MAGI2: variants seen among roughly 807,000 people sequenced by gnomAD.
MAGI2 encodes the protein membrane associated guanylate kinase, WW and PDZ domain containing 2.
Under a neutral mutation model 133.3 loss-of-function variants are expected in MAGI2, and 35 were observed. The observed-to-expected ratio is 0.26, with a 90% CI of 0.20 to 0.35. MAGI2 has a LOEUF of 0.35. Ranked by LOEUF, MAGI2 falls within the 10% of genes least tolerant of loss-of-function variation. MAGI2 has a pLI of 1.00. For missense variants in MAGI2, 1,636 were observed against 1,863.4 expected, an observed-to-expected ratio of 0.88 and a Z score of 2.25; for synonymous variants, 729 against 710.6, an observed-to-expected ratio of 1.03 and a Z score of -0.41.
chr7:78,968,047 T>C (rs1177551924), intron 2 of MAGI2, among the ~76,000 whole-genome samples: 1 of 152,058 alleles, frequency 6.6e-6, no homozygotes, highest in African/African-American at 2.4e-5. Context: ...GCCAGGCTGG[T>C]CTTGAACTCC....
chr7:78,662,033 T>C (rs1171274356), intron 2 of MAGI2, among the ~76,000 whole-genome samples: 2 of 151,992 alleles, frequency 1.3e-5, no homozygotes, highest in Non-Finnish European at 2.9e-5. Context: ...CTTACACGGG[T>C]CATCACAGAT....
chr7:78,560,892 T>C (rs959616432), intron 3 of MAGI2, among the ~76,000 whole-genome samples: 12 of 152,174 alleles, frequency 7.9e-5, no homozygotes, highest in South Asian at 2.1e-4. Context: ...AGCTGAGGCA[T>C]AGCTCAGGAT....
In MAGI2 at chr7:78,607,392, C is replaced by T. The variant is rs548399957; in HGVS notation, c.538+19728G>A. Among the ~76,000 whole-genome samples the T allele has an allele frequency of 1.1e-4, 17 of 151,742 alleles. No homozygotes were observed. In the South Asian group the frequency reaches 2.7e-3, roughly 24 times the overall value. ...TGGTCTAGTGGTAGGGTCCAGTTTC[C>T]GCGGCTGGCAGGCCCAGTAGTTGTT... is the stretch of plus-strand genomic sequence containing the variant. On this transcript the variant is annotated intron_variant, in intron 3 of 21. Coordinates refer to ENST00000354212, the MANE Select transcript of MAGI2 (RefSeq NM_012301.4).
At chr7:78,886,380 A>T (rs188411438) in intron 2 of MAGI2, among the ~76,000 whole-genome samples, 2 of 152,366 alleles carry the variant, frequency 1.3e-5, no homozygotes, top group Admixed American at 1.3e-4. Context: ...AGTCTTTATT[A>T]ACTGCATAAT....
chr7:78,835,567 G>A (rs577440008), intron 2 of MAGI2, among the ~76,000 whole-genome samples: 1 of 152,234 alleles, frequency 6.6e-6, no homozygotes, highest in African/African-American at 2.4e-5. Flanking sequence ...GGTTGCTTAG[G>A]GTGCTCCAAA....
chr7:78,879,966 A>C (rs553328469), intron 2 of MAGI2, among the ~76,000 whole-genome samples: 1 of 152,022 alleles, frequency 6.6e-6, no homozygotes, highest in African/African-American at 2.4e-5. Context: ...AAGCAGAAGA[A>C]AGATTTTCAG....
chr7:78,365,578 A>G (rs572603996), intron 7 of MAGI2, among the ~76,000 whole-genome samples: 76 of 152,212 alleles, frequency 5.0e-4, no homozygotes, highest in Non-Finnish European at 8.8e-4. Flanking sequence ...AGAGAGAATT[A>G]TAAATGTGAT....
intron 1 of MAGI2, among the ~76,000 whole-genome samples, chr7:79,284,308 A>G (rs565504367): frequency 1.3e-5 from 2 of 152,152 alleles, no homozygotes; most frequent in East Asian, 3.9e-4. Context: ...CCCATAATAA[A>G]TCCATAGGCC....
intron 9 of MAGI2, among the ~76,000 whole-genome samples, chr7:78,307,171 A>T (rs1206421118): frequency 6.6e-6 from 1 of 152,208 alleles, no homozygotes; most frequent in Non-Finnish European, 1.5e-5. Flanking sequence ...AGACGACTTC[A>T]TGCCCAAAGG....
intron 1 of MAGI2, among the ~76,000 whole-genome samples, chr7:79,295,334 C>T (rs184572688): frequency 6.6e-6 from 1 of 152,106 alleles, no homozygotes; most frequent in Admixed American, 6.5e-5. Flanking sequence ...TTGCAGAATA[C>T]ATTATGGTAC....
In MAGI2 at chr7:79,198,339, G is replaced by T. The variant is rs370693816; in HGVS notation, c.302-191133C>A. On this transcript the variant is annotated intron_variant, in intron 1 of 21. Coordinates refer to ENST00000354212, the MANE Select transcript of MAGI2 (RefSeq NM_012301.4). ...TAGTACAGTGCTGCCATTTGCACAG[G>T]TTCCCTCTCCTGTCCTTTTTGATAG... Among the ~76,000 whole-genome samples, 4 of 151,636 alleles carry T rather than the reference G, an allele frequency of 2.6e-5. No homozygotes were observed. The East Asian group carries it at 5.8e-4, about 22-fold the overall frequency.
At chr7:78,882,231 T>C (rs1563619434) in intron 2 of MAGI2, among the ~76,000 whole-genome samples, 2 of 150,694 alleles carry the variant, frequency 1.3e-5, no homozygotes, top group East Asian at 1.9e-4. Flanking sequence ...AGGACTGTTA[T>C]GAACACCTCT....
intron 6 of MAGI2, among the ~76,000 whole-genome samples, chr7:78,394,204 A>T (rs1231065577): frequency 1.3e-5 from 2 of 152,212 alleles, no homozygotes; most frequent in African/African-American, 4.8e-5. Context: ...TGTTTCAGCA[A>T]CTATCTGGGC....
At chr7:78,173,463 C>T (rs1377277670) in intron 14 of MAGI2, among the ~76,000 whole-genome samples, 2 of 152,146 alleles carry the variant, frequency 1.3e-5, no homozygotes, top group African/African-American at 4.8e-5. Flanking sequence ...GGGGTGCTGG[C>T]TTCCCCCCAA....
intron 9 of MAGI2, among the ~76,000 whole-genome samples, chr7:78,314,506 A>T (rs1263631772): frequency 6.6e-6 from 1 of 152,178 alleles, no homozygotes; most frequent in Non-Finnish European, 1.5e-5. Flanking sequence ...CTTCACTTAT[A>T]ATACAAACTG....
intron 1 of MAGI2, among the ~76,000 whole-genome samples, chr7:79,164,001 G>A (rs1824679004): frequency 6.6e-6 from 1 of 151,852 alleles, no homozygotes; most frequent in Non-Finnish European, 1.5e-5. Context: ...TCAGGTCAGG[G>A]CATGTCCTCC....
intron 1 of MAGI2, among the ~76,000 whole-genome samples, chr7:79,156,305 G>A (rs979271037): frequency 6.6e-6 from 1 of 152,004 alleles, no homozygotes; most frequent in Non-Finnish European, 1.5e-5. Flanking sequence ...TCTTTTGTGG[G>A]GGAAAATTTG....
chr7:78,873,035 T>C (rs1795158067), intron 2 of MAGI2, among the ~76,000 whole-genome samples: 1 of 151,834 alleles, frequency 6.6e-6, no homozygotes, highest in African/African-American at 2.4e-5. Context: ...ATTGAAAAAA[T>C]AGAGAAATTT....
At chr7:78,605,127 G>A (rs76122431) in intron 3 of MAGI2, among the ~76,000 whole-genome samples, 8,594 of 152,314 alleles carry the variant, frequency 0.056, 562 homozygotes, top group East Asian at 0.35. Flanking sequence ...GTGAAAACTG[G>A]AGTGGAGGGA....
Sources: gnomAD v4.1 joint callset for allele counts (sites outside exome capture counted in the v4.1 genomes callset) on GRCh38, gnomAD v4.1.1 for gene constraint, MANE v1.5 for transcripts, NCBI Gene and HGNC (gene_info 2026-07-23, HGNC 2026-07-21) for gene names.